Variants in DDAH1 observed in about 807,000 individuals in gnomAD.
DDAH1 encodes the protein N(G),N(G)-dimethylarginine dimethylaminohydrolase 1.
A neutral mutation model predicts 28.8 loss-of-function variants in DDAH1; 19 were observed. That is an observed-to-expected ratio of 0.66 (90% CI 0.46 to 0.97). The LOEUF is 0.97. Among genes scored for constraint, DDAH1 ranks in the 50% least tolerant of loss-of-function variants. The pLI, the probability that DDAH1 is intolerant of heterozygous loss-of-function variation, is 0.00. For synonymous variants in DDAH1, 153 were observed against 154.4 expected (o/e 0.99, Z 0.07); for missense variants, 326 against 375.9 (o/e 0.87, Z 1.10).
Position 85,464,521 on chromosome 1 carries a change from G to C in DDAH1, c.303+222C>G. On this transcript the variant is annotated intron_variant, in intron 1 of 5. Transcript: ENST00000284031. The surrounding 1 kb of genome is among the most constrained non-coding windows in gnomAD (Gnocchi z 4.4). ...CTGCCCGAGACCGTACAACCACATT[G>C]AATCGGATCCTCCAGAAGGCTGCCG... 6.6e-7 allele frequency: 1 copy of C among 1,523,630 alleles called. No homozygotes were observed. The highest frequency in any genetic ancestry group is 1.2e-5 in the South Asian group (1 of 83,048). The allele number at this position is 1,523,630 out of a possible 1,614,324, so 94.4% of individuals were successfully genotyped here.
intron 1 of DDAH1, among the ~76,000 whole-genome samples, chr1:85,430,704 GT>G: frequency 6.6e-6 from 1 of 151,760 alleles, no homozygotes; most frequent in South Asian, 2.1e-4. Flanking sequence ...TCTATTATTG[GT>G]GTATAGGAGT....
intron 1 of DDAH1, among the ~76,000 whole-genome samples, chr1:85,566,055 T>C (rs975654601): frequency 1.4e-5 from 2 of 145,762 alleles, no homozygotes; most frequent in Non-Finnish European, 3.0e-5. Flanking sequence ...CACTCCAGCC[T>C]GGGCAACAAG....
At chr1:85,478,158 T>C (rs1405774703) in intron 2 of DDAH1, among the ~76,000 whole-genome samples, 4 of 152,116 alleles carry the variant, frequency 2.6e-5, no homozygotes, top group African/African-American at 9.7e-5. Flanking sequence ...TGGAGAGAAA[T>C]GGGCAAGAAT....
intron 1 of DDAH1, among the ~76,000 whole-genome samples, chr1:85,510,864 C>A (rs777716722): frequency 5.9e-5 from 9 of 152,128 alleles, no homozygotes; most frequent in Non-Finnish European, 1.3e-4. Flanking sequence ...TCCTTAGAGA[C>A]CTAAAAAGAG....
chr1:85,360,953 A>C (rs1434740947), intron 1 of DDAH1, among the ~76,000 whole-genome samples: 1 of 152,252 alleles, frequency 6.6e-6, no homozygotes, highest in Non-Finnish European at 1.5e-5. Flanking sequence ...AGTCATCAGG[A>C]TAGGTCCATA....
chr1:85,541,295 G>T (rs1316491513), intron 1 of DDAH1, among the ~76,000 whole-genome samples: 1 of 152,148 alleles, frequency 6.6e-6, no homozygotes, highest in Non-Finnish European at 1.5e-5. Flanking sequence ...AGCACACCTT[G>T]CTTTAAAAAA....
intron 1 of DDAH1, among the ~76,000 whole-genome samples, chr1:85,387,889 T>C (rs1651358445): frequency 6.6e-6 from 1 of 152,194 alleles, no homozygotes; most frequent in African/African-American, 2.4e-5. Context: ...TCAGGCTGCT[T>C]CCACTCATGG....
chr1:85,547,283 G>T (rs1272242111), intron 1 of DDAH1, among the ~76,000 whole-genome samples: 1 of 152,162 alleles, frequency 6.6e-6, no homozygotes, highest in Non-Finnish European at 1.5e-5. Context: ...AATGCACATT[G>T]TAGATAAAGG....
intron 2 of DDAH1, among the ~76,000 whole-genome samples, chr1:85,473,126 G>A (rs1226843013): frequency 1.3e-5 from 2 of 152,248 alleles, no homozygotes; most frequent in East Asian, 3.9e-4. Flanking sequence ...ATACATCACT[G>A]ATGGACACCT....
chr1:85,382,344 T>G (rs1474152885), intron 1 of DDAH1, among the ~76,000 whole-genome samples: 2 of 152,198 alleles, frequency 1.3e-5, no homozygotes, highest in East Asian at 3.9e-4. Context: ...CCAACTCTCT[T>G]AAATTCTACG....
chr1:85,481,098 G>GTTTTT lies in DDAH1; in HGVS notation c.-7+15063_-7+15067dup, dbSNP rs71075839. Among the ~76,000 whole-genome samples the GTTTTT allele has an allele frequency of 1.9e-4, 22 of 113,450 alleles. 1 individual carries two copies. Among genetic ancestry groups the GTTTTT allele is most frequent in the East Asian group, 4.8e-4 (2 of 4,136 alleles). 74.4% of individuals were successfully genotyped at this position (113,450 alleles called of 152,430 possible). A position where few individuals can be genotyped will look rare whatever the true frequency, so the allele number is the denominator to read the frequency against. ...TAAAAATCATTTCTTTGGGTTTTTT[G>GTTTTT]TTTTTTTTTTTTTTTTTGAGATGGA... is the stretch of plus-strand genomic sequence containing the variant. On this transcript the variant is annotated intron_variant, in intron 2 of 6. Transcript: ENST00000426972.
intron 2 of DDAH1, among the ~76,000 whole-genome samples, chr1:85,473,061 T>C (rs529409830): frequency 2.0e-5 from 3 of 152,364 alleles, no homozygotes; most frequent in Non-Finnish European, 4.4e-5. Flanking sequence ...GATTGCATTA[T>C]TTTTATGGCT....
chr1:85,339,294 T>A (rs192882517), intron 4 of DDAH1, among the ~76,000 whole-genome samples: 134 of 152,308 alleles, frequency 8.8e-4, no homozygotes, highest in African/African-American at 3.1e-3. Context: ...GAGTCACCTC[T>A]CAGTATGTGG....
chr1:85,523,157 A>G (rs1215484791), intron 1 of DDAH1, among the ~76,000 whole-genome samples: 5 of 152,128 alleles, frequency 3.3e-5, no homozygotes, highest in Non-Finnish European at 5.9e-5. Context: ...ACGCAGTTGA[A>G]GGAGGGTAGG....
chr1:85,521,022 G>T (rs1477901724), intron 1 of DDAH1, among the ~76,000 whole-genome samples: 1 of 152,164 alleles, frequency 6.6e-6, no homozygotes, highest in Admixed American at 6.5e-5. Context: ...TGCTGAAAGT[G>T]TTAAGTTACC....
chr1:85,338,755 A>G (rs879772008), intron 4 of DDAH1, among the ~76,000 whole-genome samples: 6 of 152,036 alleles, frequency 3.9e-5, no homozygotes, highest in Non-Finnish European at 8.8e-5. Flanking sequence ...AATTAATATG[A>G]TCTGGCTGGG....
At chr1:85,396,245 A>C (rs1015928375) in intron 1 of DDAH1, among the ~76,000 whole-genome samples, 5 of 152,160 alleles carry the variant, frequency 3.3e-5, no homozygotes, top group Non-Finnish European at 7.3e-5. Context: ...GGAATACCTA[A>C]GGCTGGATAA....
At chr1:85,349,601 C>T (rs1230474867) in intron 4 of DDAH1, among the ~76,000 whole-genome samples, 2 of 152,194 alleles carry the variant, frequency 1.3e-5, no homozygotes, top group African/African-American at 4.8e-5. Context: ...GTTTTCTCAT[C>T]TGCAAAATGG....
chr1:85,552,287 T>G (rs946772748), intron 1 of DDAH1, among the ~76,000 whole-genome samples: 4 of 152,198 alleles, frequency 2.6e-5, no homozygotes, highest in African/African-American at 9.7e-5. Flanking sequence ...ACTTCTCCAG[T>G]GCATCTTCCA....
Sources: gnomAD v4.1 joint callset for allele counts (sites outside exome capture counted in the v4.1 genomes callset) on GRCh38, gnomAD v4.1.1 for gene constraint, Gnocchi (gnomAD v3.1) non-coding constraint, MANE v1.5 for transcripts, NCBI Gene and HGNC (gene_info 2026-07-23, HGNC 2026-07-21) for gene names.